The following RIMS1 variants were observed in gnomAD, a reference collection of about 807,000 sequenced individuals.
The protein encoded by RIMS1 is regulating synaptic membrane exocytosis 1.
In RIMS1, 83 loss-of-function variants were observed where a neutral mutation model predicts 214.1. That is an observed-to-expected ratio of 0.39 (90% CI 0.32 to 0.47). The LOEUF (loss-of-function observed/expected upper bound fraction) is 0.47. RIMS1 is among the 20% of genes least tolerant of loss of function. The pLI is 0.99. For synonymous variants in RIMS1, 793 were observed against 786.8 expected, an observed-to-expected ratio of 1.01 and a Z score of -0.13; for missense variants, 2,050 against 2,161.8, an observed-to-expected ratio of 0.95 and a Z score of 1.03.
chr6:72,185,540 G>A (rs2048976220), intron 6 of RIMS1, among the ~76,000 whole-genome samples: 1 of 152,190 alleles, frequency 6.6e-6, no homozygotes, highest in South Asian at 2.1e-4. Flanking sequence ...CTTAAGCAAT[G>A]ACAGACACTG....
chr6:72,331,676 A>T (rs551597244), intron 28 of RIMS1, among the ~76,000 whole-genome samples: 2 of 151,958 alleles, frequency 1.3e-5, no homozygotes, highest in Admixed American at 1.3e-4. Context: ...GGGAATATAA[A>T]TCCCACAGGA....
At chr6:72,215,332 C>G (rs902795396) in intron 6 of RIMS1, among the ~76,000 whole-genome samples, 1 of 152,170 alleles carries the variant, frequency 6.6e-6, no homozygotes, top group African/African-American at 2.4e-5. Flanking sequence ...CGCTGCACCT[C>G]CAACAAGTCA....
Position 72,192,188 on chromosome 6 carries a change from T to C in RIMS1, c.1678+9039T>C, listed in dbSNP as rs534449265. ...CTGAGTTAAAACTCCATTAATTACC[T>C]GACCTCCATAAGCCCTTACTTAAAC... On this transcript the variant is annotated intron_variant, in intron 6 of 33. Transcript: ENST00000521978. 1.1e-3 allele frequency among the ~76,000 whole-genome samples: 173 copies of C among 152,330 alleles called. 1 individual carries two copies. Among genetic ancestry groups the C allele is most frequent in the African/African-American group, 3.9e-3 (162 of 41,580 alleles).
intron 6 of RIMS1, among the ~76,000 whole-genome samples, chr6:72,185,490 C>A (rs2463726): frequency 0.48 from 72,839 of 151,900 alleles, 18,633 homozygotes; most frequent in East Asian, 0.83. Flanking sequence ...GACACCACAC[C>A]AGAGGGATTA....
intron 2 of RIMS1, among the ~76,000 whole-genome samples, chr6:71,970,682 A>G (rs1192576857): frequency 6.6e-6 from 1 of 152,188 alleles, no homozygotes; most frequent in Non-Finnish European, 1.5e-5. Flanking sequence ...AGAAGAAGCA[A>G]CTATAGATTC....
At chr6:72,142,023 A>G (rs750368547) in intron 4 of RIMS1, among the ~76,000 whole-genome samples, 1 of 152,038 alleles carries the variant, frequency 6.6e-6, no homozygotes, top group Non-Finnish European at 1.5e-5. Context: ...ATTAAAAGTG[A>G]CATACTGCAT....
Position 72,096,151 on chromosome 6 carries a change from C to T in RIMS1, c.246-798C>T, listed in dbSNP as rs146967764. On this transcript the variant is annotated intron_variant, in intron 2 of 33. Coordinates refer to ENST00000521978, the MANE Select transcript of RIMS1 (RefSeq NM_014989.7). Reference sequence around the variant, plus strand: ...CCCTAGACAACTTTAGTTGTCCCCACAGTCAGTAGTTAATCAGGAGTGGTT... The same window carrying T: ...CCCTAGACAACTTTAGTTGTCCCCATAGTCAGTAGTTAATCAGGAGTGGTT... Among the ~76,000 whole-genome samples the T allele has an allele frequency of 2.9e-3, 447 of 152,318 alleles. 1 individual carries two copies. Among genetic ancestry groups the T allele is most frequent in the Admixed American group, 4.8e-3 (74 of 15,300 alleles).
At chr6:72,309,547 G>T (rs2095409025) in intron 27 of RIMS1, among the ~76,000 whole-genome samples, 1 of 151,996 alleles carries the variant, frequency 6.6e-6, no homozygotes, top group South Asian at 2.1e-4. Context: ...TCTCCATGTG[G>T]CTTTCAATTT....
chr6:72,286,138 G>A (rs141376426), intron 24 of RIMS1, among the ~76,000 whole-genome samples: 5 of 151,760 alleles, frequency 3.3e-5, no homozygotes, highest in African/African-American at 9.7e-5. Context: ...TGGAGGTTGC[G>A]GTGAGCCGAG....
chr6:72,297,178 T>G (rs28435839), intron 26 of RIMS1, among the ~76,000 whole-genome samples: 1 of 151,922 alleles, frequency 6.6e-6, no homozygotes, highest in Non-Finnish European at 1.5e-5. Flanking sequence ...AAAAATTCAG[T>G]GAGATCAAGA....
chr6:71,940,278 T>C (rs2151005685), intron 1 of RIMS1, among the ~76,000 whole-genome samples: 1 of 152,350 alleles, frequency 6.6e-6, no homozygotes, highest in African/African-American at 2.4e-5. Flanking sequence ...AAAATATTAC[T>C]GTACTATCAG....
At chr6:72,396,242 G>A (rs114350150) in intron 31 of RIMS1, among the ~76,000 whole-genome samples, 147 of 152,192 alleles carry the variant, frequency 9.7e-4, no homozygotes, top group African/African-American at 3.5e-3. Flanking sequence ...AAAATAGAGT[G>A]GAGTTTACTT....
chr6:72,022,792 A>G, intron 2 of RIMS1, among the ~76,000 whole-genome samples: 1 of 152,222 alleles, frequency 6.6e-6, no homozygotes, highest in East Asian at 1.9e-4. Context: ...TCTGGAACAT[A>G]TTAGGTGCAA....
At chr6:71,889,112 G>A (rs1243693700) in intron 1 of RIMS1, among the ~76,000 whole-genome samples, 1 of 152,176 alleles carries the variant, frequency 6.6e-6, no homozygotes, top group African/African-American at 2.4e-5. Flanking sequence ...GGTGGATGGA[G>A]GCCTCCAGTA....
chr6:72,035,359 A>G (rs1819341114), intron 2 of RIMS1, among the ~76,000 whole-genome samples: 1 of 152,136 alleles, frequency 6.6e-6, no homozygotes, highest in Non-Finnish European at 1.5e-5. Context: ...ATAAAAAGCT[A>G]TAGTTTAGAT....
At position 72,402,970 on chromosome 6, in the gene RIMS1, A is replaced by G. The variant is rs13199914; in HGVS notation, c.*2256A>G. 1.3e-5 allele frequency: 2 copies of G among 152,640 alleles called. No homozygotes were observed. Among genetic ancestry groups the G allele is most frequent in the East Asian group, 3.9e-4 (2 of 5,190 alleles). The allele number at this position is 152,640 out of a possible 1,614,324, so 9.5% of individuals were successfully genotyped here. A position where few individuals can be genotyped will look rare whatever the true frequency, so the allele number is the denominator to read the frequency against. Reference sequence around the variant, plus strand: ...TATATTATGTCTTAATCGATGGCCCAAAGGGTACTTTGCATCACATACAAG... The same window carrying G: ...TATATTATGTCTTAATCGATGGCCCGAAGGGTACTTTGCATCACATACAAG... On this transcript the variant is annotated 3_prime_UTR_variant, in exon 34 of 34. Transcript: ENST00000521978.
chr6:72,273,347 C>T (rs943631958), intron 22 of RIMS1, among the ~76,000 whole-genome samples: 3 of 152,068 alleles, frequency 2.0e-5, no homozygotes, highest in African/African-American at 7.2e-5. Context: ...TCCTTTAAGA[C>T]TATCCAGTTA....
At chr6:71,916,904 C>G (rs1394937931) in intron 1 of RIMS1, among the ~76,000 whole-genome samples, 1 of 152,006 alleles carries the variant, frequency 6.6e-6, no homozygotes, top group Non-Finnish European at 1.5e-5. Flanking sequence ...AATTGAGTGC[C>G]TGTGGTTCAG....
At chr6:71,925,086 TATA>T (rs1210592136) in intron 1 of RIMS1, among the ~76,000 whole-genome samples, 2 of 152,206 alleles carry the variant, frequency 1.3e-5, no homozygotes, top group Non-Finnish European at 2.9e-5. Flanking sequence ...AATTGGTATA[TATA>T]ATATTTTCCT....
Sources: gnomAD v4.1 joint callset for allele counts (sites outside exome capture counted in the v4.1 genomes callset) on GRCh38, gnomAD v4.1.1 for gene constraint, MANE v1.5 for transcripts, NCBI Gene and HGNC (gene_info 2026-07-23, HGNC 2026-07-21) for gene names.